Variants in BRDT observed in about 807,000 individuals in gnomAD.
BRDT encodes the protein bromodomain testis associated.
Under a neutral mutation model 113.9 loss-of-function variants are expected in BRDT, and 77 were observed. The observed-to-expected ratio is 0.68, with a 90% CI of 0.56 to 0.82. The LOEUF is 0.82. BRDT is among the 40% of genes least tolerant of loss of function. The pLI is 0.00. For synonymous variants in BRDT, 358 were observed against 366.5 expected (o/e 0.98, Z 0.26); for missense variants, 1,027 against 1,105.4 (o/e 0.93, Z 1.01).
In BRDT at chr1:91,962,749, TTAAGAA is replaced by T. The variant is rs758284638; in HGVS notation, c.-4_2del. ...TACTTGTAGACAGGATTCAAAGCAG[TTAAGAA>T]TGTCTCTGCCAAGTCGACAAACAGC... On this transcript the variant is annotated start_lost and 5_prime_UTR_variant, in exon 2 of 19. Coordinates refer to ENST00000399546, the MANE Select transcript of BRDT (RefSeq NM_207189.4). 40 of 1,578,682 alleles carry T rather than the reference TTAAGAA, an allele frequency of 2.5e-5. No individual in the cohort carries two copies.
intron 1 of BRDT, among the ~76,000 whole-genome samples, chr1:91,954,009 T>A (rs999126104): frequency 4.5e-4 from 68 of 152,166 alleles, no homozygotes; most frequent in African/African-American, 1.6e-3. Context: ...TCTCCCTCTG[T>A]TGCCCAGGCT....
intron 18 of BRDT, among the ~76,000 whole-genome samples, chr1:92,009,747 T>C (rs551102484): frequency 6.6e-6 from 1 of 151,808 alleles, no homozygotes; most frequent in South Asian, 2.1e-4. Flanking sequence ...TTATTTATTT[T>C]TTTTGTAGAG....
chr1:91,951,832 A>G (rs1157366074), intron 1 of BRDT, among the ~76,000 whole-genome samples: 1 of 151,996 alleles, frequency 6.6e-6, no homozygotes, highest in Non-Finnish European at 1.5e-5. Context: ...TGAGTTGGGC[A>G]GCCAGGAGTT....
chr1:92,012,820 G>C (rs916245587), intron 18 of BRDT, among the ~76,000 whole-genome samples: 1 of 152,012 alleles, frequency 6.6e-6, no homozygotes, highest in African/African-American at 2.4e-5. Flanking sequence ...TAAGATATGA[G>C]AATCACCTGA....
At chr1:91,960,434 CCAAT>C (rs1682316757) in intron 1 of BRDT, among the ~76,000 whole-genome samples, 1 of 152,088 alleles carries the variant, frequency 6.6e-6, no homozygotes, top group Non-Finnish European at 1.5e-5. Context: ...GAAAAATAAA[CCAAT>C]CACAAAAAAG....
chr1:91,984,683 T>C (rs892883082), intron 12 of BRDT, among the ~76,000 whole-genome samples: 1 of 152,224 alleles, frequency 6.6e-6, no homozygotes, highest in African/African-American at 2.4e-5. Flanking sequence ...TCGCCCAGGC[T>C]ACAGTGCAGT....
intron 4 of BRDT, among the ~76,000 whole-genome samples, chr1:91,969,176 G>A (rs1402934154): frequency 4.0e-5 from 6 of 151,882 alleles, no homozygotes; most frequent in African/African-American, 7.3e-5. Flanking sequence ...TCCTGACGTC[G>A]TGATCTGCCT....
At position 91,969,082 on chromosome 1, in the gene BRDT, G is replaced by A. The variant is rs193053075; in HGVS notation, c.445+822G>A. 9.9e-3 allele frequency among the ~76,000 whole-genome samples: 1,506 copies of A among 151,792 alleles called. 24 individuals are homozygous for A. Among genetic ancestry groups the A allele is most frequent in the Non-Finnish European group, 0.013 (911 of 67,950 alleles). ...CTCCAGAGTAGCTGGGACTACAGGC[G>A]CCCACCACCACGCCCTGCTAATTTT... On this transcript the variant is annotated intron_variant, in intron 4 of 18. Transcript: ENST00000399546.
At chr1:91,977,455 C>A in intron 6 of BRDT, 62 bp downstream of exon 6, 1 of 1,278,096 alleles carries the variant, frequency 7.8e-7, no homozygotes, top group Non-Finnish European at 1.1e-6. Flanking sequence ...TTCATCATTG[C>A]AAAGAAATCT....
chr1:91,995,087 T>C (rs183291554), intron 15 of BRDT, among the ~76,000 whole-genome samples: 1 of 152,100 alleles, frequency 6.6e-6, no homozygotes, highest in Non-Finnish European at 1.5e-5. Flanking sequence ...AAGTTTTGCC[T>C]GTCTCAACTT....
At chr1:92,012,709 G>A (rs543282625) in intron 18 of BRDT, among the ~76,000 whole-genome samples, 21 of 152,010 alleles carry the variant, frequency 1.4e-4, no homozygotes, top group Non-Finnish European at 2.6e-4. Context: ...TCAGGAGTTC[G>A]AGACCAGCCT....
Position 91,976,365 on chromosome 1 carries a change from C to T in BRDT, c.545C>T (p.Pro182Leu). Residue 182 changes from proline to leucine, a missense_variant, in exon 5 of 19, where the codon CCT (proline) becomes CTT (leucine). Physicochemically the swap from Pro to Leu is moderately conservative, Grantham distance 98. Coordinates refer to ENST00000399546, the MANE Select transcript of BRDT (RefSeq NM_207189.4). ...FKQQEIPSVFPKTSISPLNVV... is the reference protein window; with the variant it reads ...FKQQEIPSVFLKTSISPLNVV... The stretch of plus-strand genomic sequence containing the variant: ...CAGCAAGAAATTCCTTCTGTATTTC[C>T]TAAGACATCTATTTCTCCCTTGAAC... 1 of 1,612,588 alleles carries T rather than the reference C, an allele frequency of 6.2e-7. No individual in the cohort carries two copies.
rs770942187 is a variant in BRDT, at chr1:91,980,794, TAAAGGA to T, written c.1444_1449del (p.Glu482_Lys483del). The stretch of plus-strand genomic sequence containing the variant: ...AGAAAAATGTGTGAGCAAATGAGGC[TAAAGGA>T]AAAGTCCAAGAGAAAGTAAGTATCT... On this transcript the variant is annotated inframe_deletion, in exon 9 of 19. Coordinates refer to ENST00000399546, the MANE Select transcript of BRDT (RefSeq NM_207189.4). 2.0e-5 allele frequency: 32 copies of T among 1,598,378 alleles called. No individual in the cohort carries two copies. The highest frequency in any genetic ancestry group is 2.5e-5 in the Non-Finnish European group (30 of 1,176,656).
Position 91,981,155 on chromosome 1 carries a change from G to A in BRDT, c.1727G>A (p.Arg576Lys), listed in dbSNP as rs779095063. ...ELEKYVSACL[R>K]KRPLKPPAKK... is the part of the protein sequence containing the mutation. Reference sequence around the variant, plus strand: ...GAAAAATATGTTTCGGCATGTCTAAGAAAGAGACCATTAAAACCTCCTGGT... The same window carrying A: ...GAAAAATATGTTTCGGCATGTCTAAAAAAGAGACCATTAAAACCTCCTGGT... The change falls in exon 10 of 19, where the codon AGA (arginine) becomes AAA (lysine). Residue 576 changes from arginine (R) to lysine (K), a missense_variant. Coordinates refer to ENST00000399546, the MANE Select transcript of BRDT (RefSeq NM_207189.4). The A allele has an allele frequency of 5.0e-6, 8 of 1,610,566 alleles. No homozygotes were observed. The highest frequency in any genetic ancestry group is 6.8e-6 in the Non-Finnish European group (8 of 1,179,076).
chr1:92,008,754 C>G (rs6604074), intron 18 of BRDT, among the ~76,000 whole-genome samples: 10,169 of 152,232 alleles, frequency 0.067, 400 homozygotes, highest in African/African-American at 0.096. Flanking sequence ...TGGGATCATG[C>G]CCTATGCAGC....
At position 91,949,619 on chromosome 1, in the gene BRDT, C is replaced by T. The variant is rs1680821693; in HGVS notation, c.-101C>T. ...TTCCCCCCTCTCCCCTCCCCGACCCCATCAACATCGTGCGACAGTCCGGGC... is the reference window on the plus strand; with the variant it reads ...TTCCCCCCTCTCCCCTCCCCGACCCTATCAACATCGTGCGACAGTCCGGGC... On this transcript the variant is annotated 5_prime_UTR_variant, in exon 1 of 19. Transcript: ENST00000399546. The T allele has an allele frequency of 6.6e-6, 1 of 152,350 alleles. No homozygotes were observed. The highest frequency in any genetic ancestry group is 6.5e-5 in the Admixed American group (1 of 15,270). The allele number at this position is 152,350 out of a possible 1,614,324, so 9.4% of individuals were successfully genotyped here.
intron 4 of BRDT, among the ~76,000 whole-genome samples, chr1:91,969,093 C>T (rs978961803): frequency 6.6e-6 from 1 of 152,006 alleles, no homozygotes; most frequent in East Asian, 1.9e-4. Flanking sequence ...CCCACCACCA[C>T]GCCCTGCTAA....
Position 91,981,685 on chromosome 1 carries a change from C to T in BRDT, c.1932C>T (p.Ser644=), listed in dbSNP as rs1684748392. Residue 644 remains serine (S), a synonymous_variant, in exon 12 of 19, where the codon AGC becomes AGT. Coordinates refer to ENST00000399546, the MANE Select transcript of BRDT (RefSeq NM_207189.4). ...VSRLSESSSS[S]SSSSESESSS... Reference sequence around the variant, plus strand: ...GACTGAGTGAGAGCAGCAGCAGCAGCAGCAGCTCATCAGAGTCTGAAAGTA... The same window carrying T: ...GACTGAGTGAGAGCAGCAGCAGCAGTAGCAGCTCATCAGAGTCTGAAAGTA... 6.2e-7 allele frequency: 1 copy of T among 1,614,200 alleles called. No homozygotes were observed. Among genetic ancestry groups the T allele is most frequent in the Non-Finnish European group, 8.5e-7 (1 of 1,180,026 alleles).
At chr1:91,991,991 CAAAAAAAAAAAA>C (rs764759925) in intron 13 of BRDT, among the ~76,000 whole-genome samples, 15 of 67,746 alleles carry the variant, frequency 2.2e-4, no homozygotes, top group African/African-American at 3.5e-4. Flanking sequence ...GACTCTGTCT[CAAAAAAAAAAAA>C]AAAAAAAAAA....
Sources: allele counts gnomAD v4.1 joint callset (sites outside exome capture counted in the v4.1 genomes callset), GRCh38; gene constraint gnomAD v4.1.1; transcripts MANE v1.5; gene names NCBI Gene and HGNC (gene_info 2026-07-23, HGNC 2026-07-21).